The following ZNF608 variants were observed in gnomAD, a reference collection of about 807,000 sequenced individuals.
The protein encoded by ZNF608 is zinc finger protein 608, also known as renal carcinoma antigen NY-REN-36.
A neutral mutation model predicts 109.0 loss-of-function variants in ZNF608; 12 were observed. The ratio of observed to expected loss-of-function variants is 0.11; its 90% CI spans 0.07 to 0.18. The LOEUF is 0.18. Among genes scored for constraint, ZNF608 ranks in the 10% least tolerant of loss-of-function variants. The pLI is 1.00. For synonymous variants in ZNF608, 732 were observed against 717.4 expected (o/e 1.02, Z -0.33); for missense variants, 1,707 against 1,879.3 (o/e 0.91, Z 1.70).
At chr5:124,701,737 C>T (rs925877433) in intron 2 of ZNF608, among the ~76,000 whole-genome samples, 12 of 152,246 alleles carry the variant, frequency 7.9e-5, no homozygotes, top group Non-Finnish European at 1.3e-4. Context: ...AATTAAATCA[C>T]TACTAAAATA....
Position 124,637,894 on chromosome 5 carries a change from A to G in ZNF608, c.*6T>C, listed in dbSNP as rs372620780. ...AGTCACATGACAATGTACATGTCCAATCTTGTTATTCTCTGCAAAAGAAAA... is the reference window on the plus strand; with the variant it reads ...AGTCACATGACAATGTACATGTCCAGTCTTGTTATTCTCTGCAAAAGAAAA... On this transcript the variant is annotated 3_prime_UTR_variant, in exon 10 of 10. Coordinates refer to ENST00000513986, the MANE Select transcript of ZNF608 (RefSeq NM_020747.3). 5.6e-6 allele frequency: 9 copies of G among 1,611,358 alleles called. No homozygotes were observed. Among genetic ancestry groups the G allele is most frequent in the Non-Finnish European group, 7.6e-6 (9 of 1,178,986 alleles).
At chr5:124,715,270 C>CA (rs558607858) in intron 2 of ZNF608, among the ~76,000 whole-genome samples, 467 of 150,670 alleles carry the variant, frequency 3.1e-3, no homozygotes, top group African/African-American at 4.3e-3. Context: ...CTTTAACACA[C>CA]AAAAAAAAAT....
intron 2 of ZNF608, among the ~76,000 whole-genome samples, chr5:124,735,507 G>C (rs553207517): frequency 7.9e-5 from 12 of 152,326 alleles, no homozygotes; most frequent in Admixed American, 6.5e-4. Flanking sequence ...AAACCAGTGC[G>C]ACTGATAAGA....
chr5:124,638,522 G>T (rs1347067813), intron 9 of ZNF608, among the ~76,000 whole-genome samples: 1 of 152,204 alleles, frequency 6.6e-6, no homozygotes. Flanking sequence ...CTCCCAAAGT[G>T]GTGGGACTAC....
rs1749531551 is a variant in ZNF608 at position 124,744,012 on chromosome 5, GCACACCCCCA to G, written c.906+62_906+71del. The G allele has an allele frequency of 2.0e-6, 3 of 1,513,526 alleles. No individual in the cohort carries two copies. The highest frequency in any genetic ancestry group is 4.3e-5 in the Admixed American group (2 of 46,552). The allele number at this position is 1,513,526 out of a possible 1,614,324, so 93.8% of individuals were successfully genotyped here. A position where few individuals can be genotyped will look rare whatever the true frequency, so the allele number is the denominator to read the frequency against. On this transcript the variant is annotated intron_variant, in intron 2 of 9. Coordinates refer to ENST00000513986, the MANE Select transcript of ZNF608 (RefSeq NM_020747.3). This position sits in a 1 kb window ranked among gnomAD's most constrained non-coding sequence, Gnocchi z 4.5. ...AGCATAAAGTGTAAGGCACACAGAG[GCACACCCCCA>G]CACACCCACACAAATGCACACAGAG...
intron 2 of ZNF608, among the ~76,000 whole-genome samples, chr5:124,734,085 C>T (rs1042430609): frequency 2.0e-5 from 3 of 152,122 alleles, no homozygotes; most frequent in Non-Finnish European, 4.4e-5. Context: ...CACAGTGATG[C>T]GATCAACATA....
At chr5:124,680,003 C>T (rs1358727044) in intron 3 of ZNF608, among the ~76,000 whole-genome samples, 1 of 151,914 alleles carries the variant, frequency 6.6e-6, no homozygotes, top group Admixed American at 6.6e-5. Flanking sequence ...GAGCTCAAGC[C>T]CAACATAATG....
At chr5:124,712,751 A>G (rs1753547599) in intron 2 of ZNF608, among the ~76,000 whole-genome samples, 1 of 152,132 alleles carries the variant, frequency 6.6e-6, no homozygotes, top group Non-Finnish European at 1.5e-5. Context: ...TAAAACCTGT[A>G]GATTCCTAAT....
At chr5:124,708,802 G>C (rs1358434632) in intron 2 of ZNF608, 1 of 455,448 alleles carries the variant, frequency 2.2e-6, no homozygotes, top group Non-Finnish European at 4.4e-6. Flanking sequence ...CAGGGCTCTG[G>C]CCCCAAGGCC....
chr5:124,645,419 C>T (rs188087682), intron 5 of ZNF608, among the ~76,000 whole-genome samples: 12 of 152,226 alleles, frequency 7.9e-5, no homozygotes, highest in African/African-American at 2.9e-4. Flanking sequence ...CTTTGTGATC[C>T]CCATCCCATT....
At chr5:124,654,679 C>A (rs6882878) in intron 3 of ZNF608, among the ~76,000 whole-genome samples, 32,440 of 152,104 alleles carry the variant, frequency 0.21, 3,888 homozygotes, top group African/African-American at 0.33. Flanking sequence ...TCCGATGCAG[C>A]CATGTGACTG....
At chr5:124,748,505 TAG>T (rs1205141332), upstream of ZNF608, 1 of 983,864 alleles carries the variant, frequency 1.0e-6, no homozygotes, top group Non-Finnish European at 1.2e-6. Flanking sequence ...AAGTGCTATA[TAG>T]AGACACACCA....
chr5:124,697,648 C>G (rs529490531), intron 3 of ZNF608, among the ~76,000 whole-genome samples: 5 of 152,256 alleles, frequency 3.3e-5, no homozygotes, highest in African/African-American at 9.6e-5. Flanking sequence ...TATTCCTGAG[C>G]ACAACTTGGT....
Position 124,745,182 on chromosome 5 carries a change from G to C in ZNF608, c.-183-10C>G, listed in dbSNP as rs561414014. The C allele has an allele frequency of 6.9e-4, 974 of 1,404,146 alleles. No individual in the cohort carries two copies. Among genetic ancestry groups the C allele is most frequent in the Non-Finnish European group, 7.8e-4 (847 of 1,087,960 alleles). 87.0% of individuals were successfully genotyped at this position (1,404,146 alleles called of 1,614,324 possible). Reference sequence around the variant, plus strand: ...CCAGGTCCACCTTTTCCTGTGAAGGGGGGGGGAAAAGTCGAATATTTCTTG... The same window carrying C: ...CCAGGTCCACCTTTTCCTGTGAAGGCGGGGGGAAAAGTCGAATATTTCTTG... On this transcript the variant is annotated splice_polypyrimidine_tract_variant and intron_variant, in intron 1 of 9. Transcript: ENST00000513986.
chr5:124,683,825 A>T (rs898818046), intron 3 of ZNF608, among the ~76,000 whole-genome samples: 2 of 152,244 alleles, frequency 1.3e-5, no homozygotes, highest in Non-Finnish European at 2.9e-5. Context: ...GGTATATATA[A>T]GTAGCACTAG....
intron 2 of ZNF608, among the ~76,000 whole-genome samples, chr5:124,739,163 G>C (rs1266251603): frequency 6.6e-6 from 1 of 152,108 alleles, no homozygotes; most frequent in South Asian, 2.1e-4. Flanking sequence ...AGGCCACTCA[G>C]AGATAATGTC....
rs1220172154 is a variant in ZNF608 at position 124,647,306 on chromosome 5, C to T, written c.3078G>A (p.Gln1026=). ...APAAGNSGST[Q]GMKIKKESEE... ...CAGACTCCTTCTTGATCTTCATTCC[C>T]TGCGTGCTCCCACTATTTCCAGCTG... Residue 1026 remains glutamine (Q), a synonymous_variant, in exon 5 of 10, where the codon CAG becomes CAA. Coordinates refer to ENST00000513986, the MANE Select transcript of ZNF608 (RefSeq NM_020747.3). The T allele has an allele frequency of 1.9e-6, 3 of 1,614,178 alleles. No homozygotes were observed. The highest frequency in any genetic ancestry group is 2.5e-6 in the Non-Finnish European group (3 of 1,180,030).
rs760099788 is a variant in ZNF608, at chr5:124,648,103, T to C, written c.2281A>G (p.Thr761Ala). 2.5e-6 allele frequency: 4 copies of C among 1,610,428 alleles called. No individual in the cohort carries two copies. In the South Asian group the frequency reaches 4.4e-5, roughly 18 times the overall value. ...GGCAGTCCGGGTATTGTCCCAGTGG[T>C]GGTCGTTGTAAAGGTTGCAGTGGGT... ...AIPTATFTTT[T>A]TGTIPGLPSL... Residue 761 changes from threonine (T) to alanine (A), a missense_variant, in exon 5 of 10, where the codon ACC becomes GCC. Thr to Ala is a moderately conservative substitution (Grantham distance 58). Around this residue, in one of 7 missense-constraint regions of ZNF608, gnomAD observed 1,073 missense variants for 1,133.5 expected, o/e 0.95. Coordinates refer to ENST00000513986, the MANE Select transcript of ZNF608 (RefSeq NM_020747.3).
At position 124,744,155 on chromosome 5, in the gene ZNF608, A is replaced by T; in HGVS notation, c.835T>A (p.Ser279Thr). The T allele has an allele frequency of 6.2e-7, 1 of 1,613,146 alleles. No homozygotes were observed. The highest frequency in any genetic ancestry group is 1.3e-5 in the African/African-American group (1 of 75,002). The stretch of plus-strand genomic sequence containing the variant: ...TCCTCTTCCTTCTTTACCAACATAG[A>T]GTTTCCCATGAGCCCTGAATCCGGG... ...SAPDSGLMGNSMLVKKEEEEE... is the reference protein window; with the variant it reads ...SAPDSGLMGNTMLVKKEEEEE... The change falls in exon 2 of 10, where the codon TCT (serine) becomes ACT (threonine). Residue 279 changes from serine (S) to threonine (T), a missense_variant. This residue lies in a region of ZNF608 where 407 missense variants were observed against 398.7 expected (regional missense o/e 1.02). Transcript: ENST00000513986. This position sits in a 1 kb window ranked among gnomAD's most constrained non-coding sequence, Gnocchi z 4.5.
Sources: gnomAD v4.1 joint callset for allele counts (sites outside exome capture counted in the v4.1 genomes callset) on GRCh38, gnomAD v4.1.1 for gene constraint, gnomAD v4.1.1 regional missense constraint, Gnocchi (gnomAD v3.1) non-coding constraint, MANE v1.5 for transcripts, NCBI Gene and HGNC (gene_info 2026-07-23, HGNC 2026-07-21) for gene names.